Variants in NRG1 observed in about 807,000 individuals in gnomAD.
The protein encoded by NRG1 is pro-neuregulin-1, membrane-bound isoform.
Under a neutral mutation model 63.8 loss-of-function variants are expected in NRG1, and 18 were observed. The observed-to-expected ratio is 0.28, with a 90% CI of 0.19 to 0.42. NRG1 has a LOEUF of 0.42. NRG1 is among the 10% of genes least tolerant of loss of function. NRG1 has a pLI of 1.00. For missense variants in NRG1, 762 were observed against 814.7 expected, an observed-to-expected ratio of 0.94 and a Z score of 0.79; for synonymous variants, 302 against 301.3, an observed-to-expected ratio of 1.00 and a Z score of -0.02.
At chr8:31,968,373 G>T (rs896659982) in intron 1 of NRG1, among the ~76,000 whole-genome samples, 2 of 152,250 alleles carry the variant, frequency 1.3e-5, no homozygotes, top group South Asian at 4.1e-4. Context: ...TGACAAGTCT[G>T]CTTTGTATTT....
At chr8:31,884,006 G>A (rs536766089) in intron 1 of NRG1, among the ~76,000 whole-genome samples, 46 of 152,020 alleles carry the variant, frequency 3.0e-4, no homozygotes, top group Admixed American at 1.4e-3. Flanking sequence ...CTCTGTTTCT[G>A]CATGTAACAG....
intron 1 of NRG1, among the ~76,000 whole-genome samples, chr8:32,209,562 AG>A (rs1844443100): frequency 6.6e-6 from 1 of 152,252 alleles, no homozygotes. Flanking sequence ...AAATAAGCAT[AG>A]AAGAGGGTTT....
chr8:31,819,188 A>G (rs1338112551), intron 1 of NRG1, among the ~76,000 whole-genome samples: 2 of 132,942 alleles, frequency 1.5e-5, no homozygotes, highest in Non-Finnish European at 3.5e-5. Flanking sequence ...GCAGCGAGCT[A>G]TGATTGTGCT....
intron 1 of NRG1, among the ~76,000 whole-genome samples, chr8:32,528,923 C>T (rs1302327784): frequency 1.3e-5 from 2 of 152,148 alleles, no homozygotes; most frequent in East Asian, 1.9e-4. Flanking sequence ...CACTAAATAA[C>T]TGATTGATAC....
At chr8:32,768,299 A>G (rs1831574612), downstream of NRG1, among the ~76,000 whole-genome samples, 1 of 152,220 alleles carries the variant, frequency 6.6e-6, no homozygotes, top group Admixed American at 6.5e-5. Flanking sequence ...AGTGGCAGTA[A>G]GAAACTCCTT....
chr8:32,739,290 G>A (rs903894277), intron 6 of NRG1, among the ~76,000 whole-genome samples: 4 of 152,016 alleles, frequency 2.6e-5, no homozygotes, highest in African/African-American at 9.7e-5. Flanking sequence ...TTATTCCATA[G>A]TTCTCGGCTG....
At chr8:32,622,847 A>G (rs1184187612) in intron 5 of NRG1, among the ~76,000 whole-genome samples, 2 of 152,236 alleles carry the variant, frequency 1.3e-5, no homozygotes, top group Admixed American at 1.3e-4. Flanking sequence ...TGGAAAAGTG[A>G]CATGGCTCTA....
intron 1 of NRG1, among the ~76,000 whole-genome samples, chr8:31,798,467 G>A (rs775812975): frequency 5.9e-5 from 9 of 152,048 alleles, no homozygotes; most frequent in Non-Finnish European, 1.2e-4. Flanking sequence ...TGGATTTCAT[G>A]ACTAATATCT....
intron 1 of NRG1, among the ~76,000 whole-genome samples, chr8:32,446,841 A>G (rs1376194926): frequency 1.3e-5 from 2 of 152,056 alleles, no homozygotes; most frequent in Non-Finnish European, 1.5e-5. Flanking sequence ...TTTCCATGCA[A>G]AGCTTCTCCA....
At chr8:32,535,823 C>T (rs772312728) in intron 1 of NRG1, among the ~76,000 whole-genome samples, 48 of 152,102 alleles carry the variant, frequency 3.2e-4, no homozygotes, top group African/African-American at 1.1e-3. Flanking sequence ...TTGGAGATAG[C>T]CTTGCCCATT....
At chr8:31,990,320 T>C (rs1269960059) in intron 1 of NRG1, among the ~76,000 whole-genome samples, 1 of 152,118 alleles carries the variant, frequency 6.6e-6, no homozygotes, top group Non-Finnish European at 1.5e-5. Context: ...TACCAAATAG[T>C]TGTTATGTAC....
intron 1 of NRG1, among the ~76,000 whole-genome samples, chr8:32,103,281 A>T (rs1451633133): frequency 1.3e-5 from 2 of 152,192 alleles, no homozygotes; most frequent in African/African-American, 2.4e-5. Flanking sequence ...GTAAGAATAC[A>T]CAATGTTTGT....
At chr8:32,252,572 G>T (rs2129470718) in intron 1 of NRG1, among the ~76,000 whole-genome samples, 1 of 152,284 alleles carries the variant, frequency 6.6e-6, no homozygotes, top group East Asian at 1.9e-4. Context: ...TTTGGTACCA[G>T]TACCATGCTG....
chr8:32,427,224 C>A (rs1587586484), intron 1 of NRG1, among the ~76,000 whole-genome samples: 1 of 152,250 alleles, frequency 6.6e-6, no homozygotes, highest in Non-Finnish European at 1.5e-5. Context: ...GAGTTTGATA[C>A]TTTTTTCCTA....
At chr8:32,133,019 C>G (rs1406736887) in intron 1 of NRG1, among the ~76,000 whole-genome samples, 9 of 151,574 alleles carry the variant, frequency 5.9e-5, no homozygotes, top group African/African-American at 2.2e-4. Flanking sequence ...CCCCCACTCT[C>G]TCTCTCTTTC....
At chr8:32,764,194 A>G (rs2129062423) in exon 12 of NRG1, 1 of 1,614,122 alleles carries the variant, frequency 6.2e-7, no homozygotes, top group Middle Eastern at 1.7e-4. Context: ...CAGAGCAGTA[A>G]CTCAGAGAGT....
At chr8:31,825,745 C>T (rs1824488145) in intron 1 of NRG1, among the ~76,000 whole-genome samples, 1 of 152,174 alleles carries the variant, frequency 6.6e-6, no homozygotes, top group African/African-American at 2.4e-5. Context: ...TTCAAGTAGT[C>T]TGTAACTTTT....
chr8:32,692,050 T>C (rs1017712474), intron 5 of NRG1, among the ~76,000 whole-genome samples: 2 of 152,234 alleles, frequency 1.3e-5, no homozygotes, highest in Non-Finnish European at 2.9e-5. Context: ...TTCTTATTCT[T>C]CTTACTTTAT....
chr8:32,438,412 A>C (rs933793305), intron 1 of NRG1, among the ~76,000 whole-genome samples: 1 of 152,078 alleles, frequency 6.6e-6, no homozygotes, highest in Non-Finnish European at 1.5e-5. Context: ...CATGCTAGGG[A>C]TGTTGAGCCA....
Sources: gnomAD v4.1 joint callset for allele counts (sites outside exome capture counted in the v4.1 genomes callset) on GRCh38, gnomAD v4.1.1 for gene constraint, MANE v1.5 for transcripts, NCBI Gene and HGNC (gene_info 2026-07-23, HGNC 2026-07-21) for gene names.